TENM2: variants seen among roughly 807,000 people sequenced by gnomAD.
The protein encoded by TENM2 is teneurin-2.
Under a neutral mutation model 245.2 loss-of-function variants are expected in TENM2, and 52 were observed. That is an observed-to-expected ratio of 0.21 (90% CI 0.17 to 0.27). TENM2 has a LOEUF of 0.27. TENM2 is among the 10% of genes least tolerant of loss of function. The probability of loss-of-function intolerance (pLI) is 1.00; values close to 1 mark genes in which losing one functional copy is unlikely to be tolerated. For missense variants in TENM2, 3,046 were observed against 3,666.8 expected, an observed-to-expected ratio of 0.83 and a Z score of 4.37; for synonymous variants, 1,363 against 1,438.9, an observed-to-expected ratio of 0.95 and a Z score of 1.19.
intron 2 of TENM2, among the ~76,000 whole-genome samples, chr5:167,850,827 T>G (rs1034720152): frequency 3.3e-5 from 5 of 152,150 alleles, no homozygotes; most frequent in African/African-American, 1.2e-4. Flanking sequence ...TTTCCCCAAT[T>G]AGCTTGCAAC....
intron 1 of TENM2, among the ~76,000 whole-genome samples, chr5:167,317,556 T>A (rs1317884995): frequency 6.6e-6 from 1 of 152,152 alleles, no homozygotes; most frequent in Admixed American, 6.5e-5. Context: ...TCAACGGAAA[T>A]TTTCCACATC....
At chr5:167,157,618 T>A in the TENM2 span, among the ~76,000 whole-genome samples, 1 of 152,336 alleles carries the variant, frequency 6.6e-6, no homozygotes, top group East Asian at 1.9e-4. Flanking sequence ...TTTATATCTA[T>A]GTGAACACAA....
At position 167,872,556 on chromosome 5, in the gene TENM2, AAG is replaced by A. The variant is rs1333840825; in HGVS notation, c.503-3428_503-3427del. Among the ~76,000 whole-genome samples, 20 of 58,662 alleles carry A rather than the reference AAG, an allele frequency of 3.4e-4. 2 individuals carry two copies. Among genetic ancestry groups the A allele is most frequent in the African/African-American group, 8.1e-4 (20 of 24,792 alleles). 38.5% of individuals were successfully genotyped at this position (58,662 alleles called of 152,430 possible). ...AGAAAGAAAGAAAGAAAGAGAAAGA[AAG>A]AAAGAAAGAAAGAAAGAAAGAAAGA... On this transcript the variant is annotated intron_variant, in intron 2 of 28. Coordinates refer to ENST00000518659, the Ensembl canonical transcript of TENM2.
chr5:167,642,854 A>T (rs1301952724), intron 2 of TENM2, among the ~76,000 whole-genome samples: 1 of 152,168 alleles, frequency 6.6e-6, no homozygotes. Context: ...GTTTGTGTGG[A>T]TATAGTATGT....
chr5:167,839,803 C>G (rs1769324344), intron 2 of TENM2, among the ~76,000 whole-genome samples: 1 of 152,000 alleles, frequency 6.6e-6, no homozygotes, highest in Non-Finnish European at 1.5e-5. Flanking sequence ...ATTAAATTAC[C>G]TATCTAATTC....
chr5:167,614,616 C>T (rs1777670883), intron 2 of TENM2, among the ~76,000 whole-genome samples: 1 of 152,064 alleles, frequency 6.6e-6, no homozygotes, highest in African/African-American at 2.4e-5. Context: ...AGGGTACCTT[C>T]ATAGGCTAAG....
At chr5:167,655,747 T>C (rs1197567202) in intron 2 of TENM2, among the ~76,000 whole-genome samples, 1 of 152,220 alleles carries the variant, frequency 6.6e-6, no homozygotes, top group Non-Finnish European at 1.5e-5. Context: ...GATGGTGTCA[T>C]CTATCAGCAA....
rs1339854824 is a variant in TENM2, at chr5:167,948,406, GAC to G, written c.713-4180_713-4179del. On this transcript the variant is annotated intron_variant, in intron 3 of 28. Transcript: ENST00000518659. ...GCACAGACCATTCTTTAGCAGGACA[GAC>G]AGCAGTGCTCATTCAAGCCCTTGAT... 5.3e-5 allele frequency among the ~76,000 whole-genome samples: 8 copies of G among 152,246 alleles called. No homozygotes were observed. The East Asian group carries it at 1.2e-3, about 22-fold the overall frequency.
At chr5:167,326,167 C>T (rs1757065057) in intron 1 of TENM2, among the ~76,000 whole-genome samples, 2 of 152,046 alleles carry the variant, frequency 1.3e-5, no homozygotes, top group South Asian at 4.1e-4. Context: ...GTCAGTGGGG[C>T]TGGACTTCAT....
intron 12 of TENM2, among the ~76,000 whole-genome samples, chr5:168,151,038 G>A (rs1756605554): frequency 6.6e-6 from 1 of 152,110 alleles, no homozygotes; most frequent in Non-Finnish European, 1.5e-5. Context: ...ACTCTCACCC[G>A]TGAACTGACC....
intron 8 of TENM2, among the ~76,000 whole-genome samples, chr5:168,091,361 G>C (rs1792923848): frequency 6.6e-6 from 1 of 152,094 alleles, no homozygotes. Context: ...TTTTGGCATA[G>C]GGTAGCCCTG....
At chr5:167,748,754 T>C (rs561900540) in intron 2 of TENM2, among the ~76,000 whole-genome samples, 1 of 151,904 alleles carries the variant, frequency 6.6e-6, no homozygotes, top group African/African-American at 2.4e-5. Context: ...GTAGGGGAAA[T>C]GCCAAACACT....
intron 6 of TENM2, 115 bp downstream of exon 8, chr5:168,047,664 AC>A: frequency 7.8e-7 from 1 of 1,280,916 alleles, no homozygotes; most frequent in Non-Finnish European, 1.1e-6. Flanking sequence ...AGAAAAAGAA[AC>A]GGGGGGAAAA....
the TENM2 span, among the ~76,000 whole-genome samples, chr5:167,191,089 C>T: frequency 6.6e-6 from 1 of 151,790 alleles, no homozygotes; most frequent in African/African-American, 2.4e-5. Flanking sequence ...AAAAAAGAAA[C>T]TTTGATATAT....
exon 16 of TENM2, chr5:168,199,087 G>T (rs1761708384): frequency 5.0e-6 from 8 of 1,613,314 alleles, no homozygotes; most frequent in Non-Finnish European, 6.8e-6. Context: ...CTGCCCCTGG[G>T]CAGAATCCCA....
the TENM2 span, among the ~76,000 whole-genome samples, chr5:167,231,642 T>C: frequency 6.6e-6 from 1 of 152,194 alleles, no homozygotes; most frequent in Non-Finnish European, 1.5e-5. Context: ...AGGTTTGGAA[T>C]TGGAATTTAT....
At chr5:167,017,355 T>G in the TENM2 span, among the ~76,000 whole-genome samples, 1 of 152,328 alleles carries the variant, frequency 6.6e-6, no homozygotes, top group Admixed American at 6.5e-5. Flanking sequence ...GTTGGACAAG[T>G]AATTTTGGCC....
chr5:167,181,953 T>C, the TENM2 span, among the ~76,000 whole-genome samples: 1 of 152,182 alleles, frequency 6.6e-6, no homozygotes, highest in Admixed American at 6.5e-5. Flanking sequence ...TAGTTCTGTT[T>C]ATTTCTACAA....
intron 13 of TENM2, among the ~76,000 whole-genome samples, chr5:168,167,436 A>G (rs920151326): frequency 6.6e-6 from 1 of 152,168 alleles, no homozygotes; most frequent in Admixed American, 6.6e-5. Context: ...TCAAGCCGGC[A>G]TCGGAGTGAG....
Sources: gnomAD v4.1 joint callset for allele counts (sites outside exome capture counted in the v4.1 genomes callset) on GRCh38, gnomAD v4.1.1 for gene constraint, MANE v1.5 for transcripts, NCBI Gene and HGNC (gene_info 2026-07-23, HGNC 2026-07-21) for gene names.